The following USP25 variants were observed in gnomAD, a reference collection of about 807,000 sequenced individuals.
USP25 encodes ubiquitin specific peptidase 25, also known as ubiquitin carboxyl-terminal hydrolase 25.
USP25 carries 85 observed loss-of-function variants against 158.5 expected under a neutral mutation model. That is an observed-to-expected ratio of 0.54 (90% CI 0.45 to 0.64). The LOEUF (loss-of-function observed/expected upper bound fraction) is 0.64, where lower values mean the gene tolerates loss of function less well. Ranked by LOEUF, USP25 falls within the 30% of genes least tolerant of loss-of-function variation. The probability of loss-of-function intolerance (pLI) is 0.00; values close to 1 mark genes in which losing one functional copy is unlikely to be tolerated. For synonymous variants in USP25, 464 were observed against 460.4 expected, an observed-to-expected ratio of 1.01 and a Z score of -0.10; for missense variants, 1,242 against 1,327.3, an observed-to-expected ratio of 0.94 and a Z score of 1.00.
In USP25 at chr21:15,827,185, A is replaced by C. The variant is rs762253811; in HGVS notation, c.1675A>C (p.Ile559Leu). 55 of 1,614,020 alleles carry C rather than the reference A, an allele frequency of 3.4e-5. No individual in the cohort carries two copies. Among genetic ancestry groups the C allele is most frequent in the Non-Finnish European group, 4.5e-5 (53 of 1,179,980 alleles). Residue 559 changes from isoleucine (I) to leucine (L), a missense_variant, in exon 14 of 26, where the codon ATA (isoleucine) becomes CTA (leucine). By Grantham distance (5) the Ile-to-Leu change is conservative. Transcript: ENST00000400183. The part of the protein sequence containing the change: ...ESCLHRWRTE[I>L]ENDTRDLQES... ...TTGTTTACATCGCTGGAGGACAGAA[A>C]TAGAAAATGACACCAGAGGTAAGAA...
rs868203203 is a variant in USP25, at chr21:15,843,945, T to A, written c.2337+1405T>A. ...CTGATTTTAAGTTTGGAAAATCATA[T>A]GGAATTTAAATTTGCAGAAGTCAGC... On this transcript the variant is annotated intron_variant, in intron 18 of 25. Coordinates refer to ENST00000400183, the MANE Select transcript of USP25 (RefSeq NM_001283041.3). This position sits in a 1 kb window ranked among gnomAD's most constrained non-coding sequence, Gnocchi z 4.0. Among the ~76,000 whole-genome samples, 2 of 152,176 alleles carry A rather than the reference T, an allele frequency of 1.3e-5. No individual in the cohort carries two copies. The highest frequency in any genetic ancestry group is 1.5e-5 in the Non-Finnish European group (1 of 68,006).
chr21:15,856,758 A>G (rs1054022377), intron 20 of USP25, among the ~76,000 whole-genome samples: 5 of 152,210 alleles, frequency 3.3e-5, no homozygotes, highest in Non-Finnish European at 7.3e-5. Context: ...GGCGTGAGCC[A>G]CCGCACCCGG....
At chr21:15,784,466 G>C (rs954818170) in intron 4 of USP25, among the ~76,000 whole-genome samples, 1 of 152,086 alleles carries the variant, frequency 6.6e-6, no homozygotes, top group South Asian at 2.1e-4. Flanking sequence ...AAGCTACTCG[G>C]GTGGCTGAGA....
intron 11 of USP25, 133 bp downstream of exon 11, chr21:15,824,299 T>C (rs916518911): frequency 1.0e-6 from 1 of 999,306 alleles, no homozygotes; most frequent in African/African-American, 1.7e-5. Context: ...ATACCATTTG[T>C]CAAGGTAGAT....
intron 1 of USP25, among the ~76,000 whole-genome samples, chr21:15,751,436 A>G (rs1241269008): frequency 6.6e-6 from 1 of 152,208 alleles, no homozygotes; most frequent in African/African-American, 2.4e-5. Context: ...TTCTACTTAG[A>G]GCACGTTTAT....
chr21:15,869,202 C>T (rs1033892655), intron 22 of USP25, among the ~76,000 whole-genome samples: 8 of 150,510 alleles, frequency 5.3e-5, no homozygotes, highest in East Asian at 2.0e-4. Context: ...TAGCCGTGAT[C>T]GTGCCACTGC....
intron 4 of USP25, among the ~76,000 whole-genome samples, chr21:15,787,900 T>TCCCCCCCCCCCC (rs1318568088): frequency 1.4e-5 from 1 of 69,838 alleles, no homozygotes; most frequent in Non-Finnish European, 2.9e-5. Flanking sequence ...TAACACCCCC[T>TCCCCCCCCCCCC]CACCCCCCCC....
Position 15,849,765 on chromosome 21 carries a change from C to A in USP25, c.2452-12C>A. On this transcript the variant is annotated splice_polypyrimidine_tract_variant and intron_variant, in intron 19 of 25. Transcript: ENST00000400183. ...AAAACCTTTTTTTAATGTTAACTATCTTCTGTGGCAGATCATGATGACACC... is the reference window on the plus strand; with the variant it reads ...AAAACCTTTTTTTAATGTTAACTATATTCTGTGGCAGATCATGATGACACC... 6.6e-7 allele frequency: 1 copy of A among 1,513,668 alleles called. No individual in the cohort carries two copies. Among genetic ancestry groups the A allele is most frequent in the Non-Finnish European group, 8.8e-7 (1 of 1,133,706 alleles). 93.8% of individuals were successfully genotyped at this position (1,513,668 alleles called of 1,614,324 possible).
chr21:15,788,080 G>A (rs2035393271), intron 4 of USP25, among the ~76,000 whole-genome samples: 2 of 151,864 alleles, frequency 1.3e-5, no homozygotes, highest in Admixed American at 6.6e-5. Flanking sequence ...AGAAGATAAA[G>A]CAAGGTGATA....
intron 1 of USP25, among the ~76,000 whole-genome samples, chr21:15,733,940 A>G (rs1324782603): frequency 2.0e-5 from 3 of 152,216 alleles, no homozygotes; most frequent in African/African-American, 7.2e-5. Flanking sequence ...AGGATGTGGG[A>G]TAGATCTCAA....
intron 9 of USP25, among the ~76,000 whole-genome samples, chr21:15,812,859 T>C (rs560415270): frequency 1.3e-5 from 2 of 152,304 alleles, no homozygotes; most frequent in South Asian, 4.1e-4. Context: ...TTCAAACCAA[T>C]GGTTCTTCAT....
chr21:15,753,497 G>A, intron 1 of USP25, among the ~76,000 whole-genome samples: 1 of 152,262 alleles, frequency 6.6e-6, no homozygotes. Context: ...GGGAATTTCA[G>A]TAATATTATA....
At chr21:15,808,753 T>C in intron 7 of USP25, 56 bp from the exon 8 acceptor site, 2 of 1,334,118 alleles carry the variant, frequency 1.5e-6, no homozygotes, top group Middle Eastern at 2.1e-4. Context: ...TGTTACAACA[T>C]CTAGTATTTT....
At position 15,737,423 on chromosome 21, in the gene USP25, T is replaced by C. The variant is rs747283511; in HGVS notation, c.45+6985T>C. Among the ~76,000 whole-genome samples, 68 of 152,176 alleles carry C rather than the reference T, an allele frequency of 4.5e-4. 1 individual carries two copies. The highest frequency in any genetic ancestry group is 8.8e-4 in the Non-Finnish European group (60 of 67,996). On this transcript the variant is annotated intron_variant, in intron 1 of 25. Coordinates refer to ENST00000400183, the MANE Select transcript of USP25 (RefSeq NM_001283041.3). ...TTGTTAAATTGCTTATTTTAAATAA[T>C]AAACACACACGAACCCCCTATTTAA...
intron 17 of USP25, among the ~76,000 whole-genome samples, chr21:15,835,632 A>G (rs996101021): frequency 1.3e-5 from 2 of 152,220 alleles, no homozygotes; most frequent in Admixed American, 6.5e-5. Context: ...TCTGGGAGGA[A>G]CCAGAATAAA....
intron 20 of USP25, among the ~76,000 whole-genome samples, chr21:15,852,847 T>C (rs558829461): frequency 6.6e-6 from 1 of 152,044 alleles, no homozygotes; most frequent in South Asian, 2.1e-4. Flanking sequence ...TGTGATTGAG[T>C]AATACATGAG....
chr21:15,741,042 T>A (rs1262907841), intron 1 of USP25, among the ~76,000 whole-genome samples: 2 of 152,138 alleles, frequency 1.3e-5, no homozygotes, highest in Non-Finnish European at 2.9e-5. Context: ...ATCAACACCG[T>A]CATTATTTCA....
At chr21:15,733,799 G>A (rs1206169814) in intron 1 of USP25, among the ~76,000 whole-genome samples, 4 of 152,130 alleles carry the variant, frequency 2.6e-5, no homozygotes, top group East Asian at 1.9e-4. Context: ...CCGAGATCGC[G>A]CCATTGCACT....
intron 9 of USP25, among the ~76,000 whole-genome samples, chr21:15,813,609 T>C (rs2036784357): frequency 6.6e-6 from 1 of 152,170 alleles, no homozygotes; most frequent in Admixed American, 6.5e-5. Context: ...TTCTTGGCTT[T>C]TGAGCTTCTC....
Sources: allele counts gnomAD v4.1 joint callset (sites outside exome capture counted in the v4.1 genomes callset), GRCh38; gene constraint gnomAD v4.1.1; non-coding constraint Gnocchi (gnomAD v3.1); transcripts MANE v1.5; gene names NCBI Gene and HGNC (gene_info 2026-07-23, HGNC 2026-07-21).